Variants in KCNAB1 observed in about 807,000 individuals in gnomAD.
KCNAB1 encodes the protein voltage-gated potassium channel subunit beta-1.
KCNAB1 carries 35 observed loss-of-function variants against 64.6 expected under a neutral mutation model. The observed-to-expected ratio is 0.54, with a 90% CI of 0.41 to 0.72. The LOEUF (loss-of-function observed/expected upper bound fraction) is 0.72, where lower values mean the gene tolerates loss of function less well. Among genes scored for constraint, KCNAB1 ranks in the 30% least tolerant of loss-of-function variants. The pLI is 0.00. For synonymous variants in KCNAB1, 177 were observed against 183.8 expected (o/e 0.96, Z 0.30); for missense variants, 401 against 512.9 (o/e 0.78, Z 2.11).
chr3:156,232,431 T>C (rs1346865530), intron 1 of KCNAB1, among the ~76,000 whole-genome samples: 1 of 152,258 alleles, frequency 6.6e-6, no homozygotes, highest in Admixed American at 6.5e-5. Context: ...CAGGCTCTTA[T>C]TTGCTTCTGT....
At chr3:156,179,208 G>A (rs1014296020) in intron 1 of KCNAB1, among the ~76,000 whole-genome samples, 2 of 151,806 alleles carry the variant, frequency 1.3e-5, no homozygotes, top group Admixed American at 6.6e-5. Context: ...TTATGTGCTT[G>A]ACACAGTTGA....
intron 8 of KCNAB1, among the ~76,000 whole-genome samples, chr3:156,478,889 A>G (rs886729101): frequency 1.3e-5 from 2 of 152,086 alleles, no homozygotes; most frequent in African/African-American, 4.8e-5. Flanking sequence ...GTCCTCTCAA[A>G]AGAATGGCTG....
intron 1 of KCNAB1, among the ~76,000 whole-genome samples, chr3:156,364,506 C>T (rs1024006149): frequency 1.1e-4 from 16 of 152,146 alleles, no homozygotes; most frequent in East Asian, 1.9e-4. Flanking sequence ...AGGCCAGGCA[C>T]GGTGGCTCAC....
At chr3:156,298,225 A>G (rs1720924720) in intron 1 of KCNAB1, among the ~76,000 whole-genome samples, 2 of 152,068 alleles carry the variant, frequency 1.3e-5, no homozygotes, top group Non-Finnish European at 2.9e-5. Context: ...TTACGCAAAC[A>G]TTGTTCCAGT....
At chr3:156,514,726 A>T (rs1717441005) in intron 9 of KCNAB1, among the ~76,000 whole-genome samples, 1 of 152,252 alleles carries the variant, frequency 6.6e-6, no homozygotes, top group South Asian at 2.1e-4. Flanking sequence ...TTCTTATAAA[A>T]AACTGTATTA....
chr3:156,259,606 C>A (rs1367293448), intron 1 of KCNAB1, among the ~76,000 whole-genome samples: 1 of 152,174 alleles, frequency 6.6e-6, no homozygotes, highest in African/African-American at 2.4e-5. Flanking sequence ...TTTAAAGTTC[C>A]AAGTCCCTAA....
intron 1 of KCNAB1, among the ~76,000 whole-genome samples, chr3:156,342,609 A>AT (rs59689669): frequency 0.077 from 8,097 of 104,770 alleles, 256 homozygotes; most frequent in East Asian, 0.13. Context: ...TTTTTTTTTA[A>AT]TTTTTTTTTT....
intron 1 of KCNAB1, chr3:156,291,996 C>G (rs771932834): frequency 2.5e-6 from 4 of 1,614,040 alleles, no homozygotes; most frequent in Admixed American, 1.7e-5. Flanking sequence ...TCCACCGCCC[C>G]CAATGTGGTG....
chr3:156,306,186 A>T (rs1431708214), intron 1 of KCNAB1, among the ~76,000 whole-genome samples: 1 of 152,208 alleles, frequency 6.6e-6, no homozygotes, highest in Admixed American at 6.5e-5. Context: ...TTAGAAAAAC[A>T]TGGATTTTGA....
intron 1 of KCNAB1, among the ~76,000 whole-genome samples, chr3:156,400,766 C>T (rs1329727976): frequency 6.6e-6 from 1 of 152,188 alleles, no homozygotes; most frequent in Non-Finnish European, 1.5e-5. Flanking sequence ...ACCTAGTGAA[C>T]ACCTTCTCTC....
At chr3:156,322,812 C>A (rs909414273) in intron 1 of KCNAB1, among the ~76,000 whole-genome samples, 1 of 152,154 alleles carries the variant, frequency 6.6e-6, no homozygotes, top group Non-Finnish European at 1.5e-5. Context: ...GAGACGGAGG[C>A]ATTACTGACT....
chr3:156,418,256 AATATC>A (rs1296392378), intron 1 of KCNAB1, among the ~76,000 whole-genome samples: 8 of 152,262 alleles, frequency 5.3e-5, no homozygotes, highest in African/African-American at 1.9e-4. Context: ...GAAATAGAAT[AATATC>A]ATATAAAGTT....
intron 1 of KCNAB1, among the ~76,000 whole-genome samples, chr3:156,329,045 TA>T (rs111916271): frequency 2.6e-5 from 4 of 152,034 alleles, no homozygotes; most frequent in South Asian, 4.2e-4. Context: ...CAGTGCGGTT[TA>T]AAAAAAACTT....
chr3:156,292,801 C>T (rs1275676335), intron 1 of KCNAB1, among the ~76,000 whole-genome samples: 1 of 152,144 alleles, frequency 6.6e-6, no homozygotes, highest in African/African-American at 2.4e-5. Context: ...CCTTGGCCTC[C>T]CAAAGTGCTG....
At chr3:156,122,930 G>A (rs1001221100) in intron 1 of KCNAB1, among the ~76,000 whole-genome samples, 2 of 152,020 alleles carry the variant, frequency 1.3e-5, no homozygotes, top group African/African-American at 2.4e-5. Context: ...TTCCTCTGTC[G>A]AGTCCTTGAG....
chr3:156,330,161 T>A (rs1560199280), intron 1 of KCNAB1, among the ~76,000 whole-genome samples: 1 of 152,102 alleles, frequency 6.6e-6, no homozygotes, highest in African/African-American at 2.4e-5. Context: ...GGAGAAACAA[T>A]GAAAAGTGAG....
chr3:156,491,594 CTT>C (rs1478059688), intron 8 of KCNAB1, among the ~76,000 whole-genome samples: 5 of 151,996 alleles, frequency 3.3e-5, no homozygotes, highest in Non-Finnish European at 5.9e-5. Flanking sequence ...GTGAGATAAA[CTT>C]AACTTGCTTA....
intron 1 of KCNAB1, among the ~76,000 whole-genome samples, chr3:156,275,890 C>T (rs568421810): frequency 6.6e-6 from 1 of 152,182 alleles, no homozygotes; most frequent in East Asian, 1.9e-4. Flanking sequence ...CTTTCAAAAT[C>T]CTGCTAATGT....
chr3:156,243,803 A>G (rs1355188309), intron 1 of KCNAB1, among the ~76,000 whole-genome samples: 1 of 152,276 alleles, frequency 6.6e-6, no homozygotes, highest in African/African-American at 2.4e-5. Flanking sequence ...AGCAGGAGCC[A>G]TTACTTTCAG....
Sources: allele counts gnomAD v4.1 joint callset (sites outside exome capture counted in the v4.1 genomes callset), GRCh38; gene constraint gnomAD v4.1.1; transcripts MANE v1.5; gene names NCBI Gene and HGNC (gene_info 2026-07-23, HGNC 2026-07-21).